The following PARVA variants were observed in gnomAD, a reference collection of about 807,000 sequenced individuals.
The protein encoded by PARVA is parvin alpha, also known as alpha-parvin.
In PARVA, 25 loss-of-function variants were observed where a neutral mutation model predicts 52.6. That is an observed-to-expected ratio of 0.48 (90% confidence interval 0.35 to 0.66). The LOEUF (loss-of-function observed/expected upper bound fraction) is 0.66. Ranked by LOEUF, PARVA falls within the 30% of genes least tolerant of loss-of-function variation. The pLI is 0.01. For missense variants in PARVA, 373 were observed against 450.9 expected, an observed-to-expected ratio of 0.83 and a Z score of 1.56; for synonymous variants, 185 against 179.1, an observed-to-expected ratio of 1.03 and a Z score of -0.26.
chr11:12,419,742 G>A (rs1247295032), intron 1 of PARVA, among the ~76,000 whole-genome samples: 1 of 152,136 alleles, frequency 6.6e-6, no homozygotes, highest in Non-Finnish European at 1.5e-5. Flanking sequence ...CAGGGCACAA[G>A]GGTTCCAGTT....
chr11:12,424,706 T>C (rs985326617), intron 1 of PARVA, among the ~76,000 whole-genome samples: 8 of 152,152 alleles, frequency 5.3e-5, no homozygotes, highest in Non-Finnish European at 1.0e-4. Context: ...CAAGCCCAGA[T>C]TTACGTCTAT....
intron 1 of PARVA, among the ~76,000 whole-genome samples, chr11:12,421,646 A>G (rs1940151535): frequency 6.6e-6 from 1 of 152,202 alleles, no homozygotes; most frequent in South Asian, 2.1e-4. Context: ...ATGGGCTGTC[A>G]CAAACCAGGC....
chr11:12,379,534 T>C (rs185352697), intron 1 of PARVA, among the ~76,000 whole-genome samples: 2 of 152,372 alleles, frequency 1.3e-5, no homozygotes, highest in Non-Finnish European at 2.9e-5. Flanking sequence ...TTATATCAAA[T>C]GGTATATTTG....
chr11:12,390,272 GT>G (rs1439179517), intron 1 of PARVA, among the ~76,000 whole-genome samples: 1 of 152,200 alleles, frequency 6.6e-6, no homozygotes, highest in Non-Finnish European at 1.5e-5. Flanking sequence ...GGTTTTGGCC[GT>G]GCGATGTGTT....
chr11:12,427,741 CT>C (rs1564844412), intron 1 of PARVA, among the ~76,000 whole-genome samples: 1 of 152,178 alleles, frequency 6.6e-6, no homozygotes, highest in African/African-American at 2.4e-5. Flanking sequence ...AAGTTGTAAG[CT>C]TTAGGTAAAA....
At chr11:12,377,419 C>G, upstream of PARVA, 1 of 1,370,798 alleles carries the variant, frequency 7.3e-7, no homozygotes. Flanking sequence ...AACCCAGGGG[C>G]GCAAGGCGCG....
chr11:12,513,260 C>T (rs550431590), intron 8 of PARVA, 39 bp from the exon 9 acceptor site: 21 of 1,597,956 alleles, frequency 1.3e-5, no homozygotes, highest in Admixed American at 3.3e-5. Context: ...TGCCAGGGAT[C>T]AGCTCTTGTG....
intron 1 of PARVA, among the ~76,000 whole-genome samples, chr11:12,435,055 A>G (rs1430608723): frequency 6.6e-6 from 1 of 152,196 alleles, no homozygotes; most frequent in African/African-American, 2.4e-5. Flanking sequence ...TTCTATTCAT[A>G]CACCAAACTG....
intron 1 of PARVA, among the ~76,000 whole-genome samples, chr11:12,448,001 A>C (rs1468871956): frequency 1.3e-5 from 2 of 152,212 alleles, no homozygotes; most frequent in African/African-American, 2.4e-5. Flanking sequence ...TCTGGTACAA[A>C]ATAAACCTTC....
intron 1 of PARVA, among the ~76,000 whole-genome samples, chr11:12,408,617 C>T (rs1216329146): frequency 1.3e-5 from 2 of 152,128 alleles, no homozygotes; most frequent in African/African-American, 4.8e-5. Context: ...TTGGCCATAT[C>T]ACTTAGTTTT....
intron 12 of PARVA, among the ~76,000 whole-genome samples, chr11:12,518,885 C>G (rs1470967007): frequency 6.6e-6 from 1 of 152,202 alleles, no homozygotes; most frequent in African/African-American, 2.4e-5. Flanking sequence ...GCAGACAGTT[C>G]TGGGCTGAGC....
intron 1 of PARVA, among the ~76,000 whole-genome samples, chr11:12,378,178 T>G (rs1049101615): frequency 2.0e-5 from 3 of 152,100 alleles, no homozygotes; most frequent in African/African-American, 7.2e-5. Context: ...GCCCGAAGGC[T>G]GGCATTTCCC....
intron 1 of PARVA, among the ~76,000 whole-genome samples, chr11:12,401,667 A>T (rs1192055637): frequency 6.6e-6 from 1 of 152,214 alleles, no homozygotes; most frequent in Non-Finnish European, 1.5e-5. Context: ...TTTGAAATGC[A>T]TTCACGTCCC....
intron 1 of PARVA, among the ~76,000 whole-genome samples, chr11:12,449,460 G>T (rs1021639743): frequency 1.3e-5 from 2 of 152,126 alleles, no homozygotes; most frequent in Non-Finnish European, 2.9e-5. Flanking sequence ...CACCTGGCGG[G>T]ACATACATTT....
chr11:12,381,172 A>G (rs1939480274), intron 1 of PARVA, among the ~76,000 whole-genome samples: 1 of 152,164 alleles, frequency 6.6e-6, no homozygotes, highest in South Asian at 2.1e-4. Context: ...CTTAGTGAGT[A>G]TGTGCTGGAT....
chr11:12,474,968 T>C (rs1336558388), intron 3 of PARVA, among the ~76,000 whole-genome samples: 1 of 143,580 alleles, frequency 7.0e-6, no homozygotes, highest in African/African-American at 2.6e-5. Context: ...AAAAAAAAAA[T>C]AGCACTGGAT....
chr11:12,381,526 G>A (rs1471200598), intron 1 of PARVA, among the ~76,000 whole-genome samples: 1 of 152,156 alleles, frequency 6.6e-6, no homozygotes, highest in Non-Finnish European at 1.5e-5. Context: ...GTTGACCCTT[G>A]AACTATGTGG....
chr11:12,527,928 G>C lies in PARVA; in HGVS notation c.*3G>C. 2 of 1,607,384 alleles carry C rather than the reference G, an allele frequency of 1.2e-6. No homozygotes were observed. The highest frequency in any genetic ancestry group is 1.7e-6 in the Non-Finnish European group (2 of 1,175,114). On this transcript the variant is annotated 3_prime_UTR_variant, in exon 13 of 13. Coordinates refer to ENST00000334956, the MANE Select transcript of PARVA (RefSeq NM_018222.5). ...CCAAGTACCGTAACGTGGAGTGAGG[G>C]GCTGCCCTGGGCCCACCACTGCCCA...
At chr11:12,432,526 T>C (rs1262950256) in intron 1 of PARVA, among the ~76,000 whole-genome samples, 2 of 152,258 alleles carry the variant, frequency 1.3e-5, no homozygotes, top group African/African-American at 4.8e-5. Flanking sequence ...GTTCACCTCT[T>C]GTCTTTGTGA....
Sources: allele counts gnomAD v4.1 joint callset (sites outside exome capture counted in the v4.1 genomes callset), GRCh38; gene constraint gnomAD v4.1.1; transcripts MANE v1.5; gene names NCBI Gene and HGNC (gene_info 2026-07-23, HGNC 2026-07-21).